CORO1A: variants seen among roughly 807,000 people sequenced by gnomAD.
CORO1A encodes the protein coronin 1A.
Under a neutral mutation model 44.1 loss-of-function variants are expected in CORO1A, and 17 were observed. The ratio of observed to expected loss-of-function variants is 0.39; its 90% CI spans 0.26 to 0.58. The LOEUF (loss-of-function observed/expected upper bound fraction) is 0.58, where lower values mean the gene tolerates loss of function less well. Among genes scored for constraint, CORO1A ranks in the 20% least tolerant of loss-of-function variants. The pLI is 0.62. For missense variants in CORO1A, 415 were observed against 606.5 expected (o/e 0.68, Z 3.32); for synonymous variants, 271 against 244.2 (o/e 1.11, Z -1.02).
At chr16:30,185,062 C>A in intron 1 of CORO1A, 147 bp from the exon 2 acceptor site, 1 of 785,328 alleles carries the variant, frequency 1.3e-6, no homozygotes, top group Non-Finnish European at 2.1e-6. Context: ...AAGCAGGCAT[C>A]AGCCACAGAG....
intron 2 of CORO1A, 160 bp from the exon 3 acceptor site, chr16:30,186,438 A>G (rs2073335023): frequency 1.2e-6 from 1 of 838,724 alleles, no homozygotes; most frequent in African/African-American, 1.7e-5. Flanking sequence ...TTGGGACTGG[A>G]ACAAGAGAAG....
At chr16:30,186,353 A>G in intron 2 of CORO1A, 2 of 523,562 alleles carry the variant, frequency 3.8e-6, no homozygotes, top group Admixed American at 6.2e-5. Flanking sequence ...ACCGGCGGGA[A>G]CTCTGCCAGG....
chr16:30,185,247 A>G lies in CORO1A; in HGVS notation c.38A>G (p.His13Arg). The G allele has an allele frequency of 6.2e-7, 1 of 1,614,186 alleles. No homozygotes were observed. Among genetic ancestry groups the G allele is most frequent in the African/African-American group, 1.3e-5 (1 of 75,048 alleles). Reference protein sequence around the residue: ...RQVVRSSKFRHVFGQPAKADQ... With the variant: ...RQVVRSSKFRRVFGQPAKADQ... The stretch of plus-strand genomic sequence containing the variant: ...GTGGTCCGCTCCAGCAAGTTCCGCC[A>G]CGTGTTTGGACAGCCGGCCAAGGCC... Residue 13 changes from histidine (H) to arginine (R), a missense_variant, in exon 2 of 11, where the codon CAC becomes CGC. Around this residue, in one of 2 missense-constraint regions of CORO1A, gnomAD observed 325 missense variants for 521.7 expected, o/e 0.62. Transcript: ENST00000219150.
rs751894231 is a variant in CORO1A at position 30,187,185 on chromosome 16, G to A, written c.598G>A (p.Val200Met). 6.8e-6 allele frequency: 11 copies of A among 1,613,482 alleles called. No individual in the cohort carries two copies. Among genetic ancestry groups the A allele is most frequent in the East Asian group, 4.5e-5 (2 of 44,898 alleles). Residue 200 changes from valine to methionine, a missense_variant, in exon 5 of 11, where the codon GTG (valine) becomes ATG (methionine). By Grantham distance (21) the Val-to-Met change is conservative. Transcript: ENST00000219150. ...TTGTACCTCCTGCCGTGACAAGCGC[G>A]TGCGCATCATCGAGCCCCGCAAAGG... The part of the protein sequence containing the change: ...LICTSCRDKR[V>M]RIIEPRKGTV...
At position 30,186,737 on chromosome 16, in the gene CORO1A, A is replaced by G; in HGVS notation, c.321+17A>G. ...ACAGTCATGGTGAGTGGTGGTGGGG[A>G]CCCAGGGGCTGGGAGAGGGGCTCTA... On this transcript the variant is annotated intron_variant, in intron 3 of 10. Transcript: ENST00000219150. The G allele has an allele frequency of 6.2e-7, 1 of 1,610,750 alleles. No individual in the cohort carries two copies. Among genetic ancestry groups the G allele is most frequent in the Non-Finnish European group, 8.5e-7 (1 of 1,179,802 alleles).
chr16:30,186,407 CTGGGGTTTGCCCAGGCCATTT>C (rs2073334733), intron 2 of CORO1A, 170 bp from the exon 3 acceptor site: 2 of 656,108 alleles, frequency 3.0e-6, no homozygotes, highest in East Asian at 5.6e-5. Context: ...GCCAGCCCTC[CTGGGGTTTGCCCAGGCCATTT>C]TGGGACTGGA....
intron 2 of CORO1A, 137 bp from the exon 3 acceptor site, chr16:30,186,461 C>A: frequency 9.4e-7 from 1 of 1,060,438 alleles, no homozygotes; most frequent in Non-Finnish European, 1.4e-6. Context: ...CAACCCGCCC[C>A]CGTCCCCACC....
At chr16:30,186,439 A>G in intron 2 of CORO1A, 159 bp from the exon 3 acceptor site, 1 of 834,560 alleles carries the variant, frequency 1.2e-6, no homozygotes, top group South Asian at 1.5e-5. Flanking sequence ...TGGGACTGGA[A>G]CAAGAGAAGA....
intron 8 of CORO1A, 30 bp downstream of exon 8, chr16:30,188,117 T>C: frequency 6.2e-7 from 1 of 1,613,810 alleles, no homozygotes; most frequent in Non-Finnish European, 8.5e-7. Context: ...GACCGCAGCA[T>C]GCTCCTTGGG....
chr16:30,184,857 G>A lies in CORO1A; in HGVS notation c.-1-352G>A. On this transcript the variant is annotated intron_variant, in intron 1 of 10. Coordinates refer to ENST00000219150, the MANE Select transcript of CORO1A (RefSeq NM_007074.4). This position sits in a 1 kb window ranked among gnomAD's most constrained non-coding sequence, Gnocchi z 4.3. ...CCTCGGAGCCATCTGGGCTGATGAC[G>A]CCTGAGTCTGAACCATTAGGAAGGA... The A allele has an allele frequency of 2.5e-6, 1 of 399,912 alleles. No individual in the cohort carries two copies. The highest frequency in any genetic ancestry group is 4.7e-6 in the Non-Finnish European group (1 of 210,938). 24.8% of individuals were successfully genotyped at this position (399,912 alleles called of 1,614,324 possible). A position where few individuals can be genotyped will look rare whatever the true frequency, so the allele number is the denominator to read the frequency against.
intron 7 of CORO1A, 33 bp downstream of exon 7, chr16:30,187,862 T>TGGGGG: frequency 7.1e-6 from 1 of 140,662 alleles, no homozygotes; most frequent in Non-Finnish European, 1.2e-5. Flanking sequence ...GGGTGGGAGG[T>TGGGGG]GGGCAGGATG....
intron 2 of CORO1A, chr16:30,185,983 A>G (rs900501643): frequency 5.1e-6 from 1 of 197,570 alleles, no homozygotes; most frequent in African/African-American, 2.3e-5. Context: ...TTGTTACCTT[A>G]AAAGGGCTGA....
At chr16:30,188,794 C>T in intron 10 of CORO1A, 66 bp from the exon 11 acceptor site, 1 of 503,274 alleles carries the variant, frequency 2.0e-6, no homozygotes, top group Non-Finnish European at 3.4e-6. Flanking sequence ...AGGGATGGGG[C>T]TCAGCAGAGG....
chr16:30,186,740 CA>C lies in CORO1A; in HGVS notation c.321+21del. The C allele has an allele frequency of 6.2e-7, 1 of 1,610,794 alleles. No individual in the cohort carries two copies. The highest frequency in any genetic ancestry group is 8.5e-7 in the Non-Finnish European group (1 of 1,179,840). ...GTCATGGTGAGTGGTGGTGGGGACC[CA>C]GGGGCTGGGAGAGGGGCTCTAGGAT... On this transcript the variant is annotated intron_variant, in intron 3 of 10. Coordinates refer to ENST00000219150, the MANE Select transcript of CORO1A (RefSeq NM_007074.4).
chr16:30,185,572 G>C (rs2073324443), intron 2 of CORO1A, 165 bp downstream of exon 2: 1 of 636,444 alleles, frequency 1.6e-6, no homozygotes, highest in African/African-American at 1.8e-5. Flanking sequence ...CCTCTGTGCT[G>C]TGGCTGTGTG....
chr16:30,183,870 C>T lies in CORO1A; in HGVS notation c.-2+145C>T, dbSNP rs1284298007. ...GGGGCCAGGTAGCGGGCGCAGCAGCCCGTGGGGGGACGCTGCTTGGAGTGG... is the reference window on the plus strand; with the variant it reads ...GGGGCCAGGTAGCGGGCGCAGCAGCTCGTGGGGGGACGCTGCTTGGAGTGG... On this transcript the variant is annotated intron_variant, in intron 1 of 10. Coordinates refer to ENST00000219150, the MANE Select transcript of CORO1A (RefSeq NM_007074.4). The surrounding 1 kb of genome is among the most constrained non-coding windows in gnomAD (Gnocchi z 5.0). 1 of 151,792 alleles carries T rather than the reference C, an allele frequency of 6.6e-6. No individual in the cohort carries two copies. The highest frequency in any genetic ancestry group is 2.4e-5 in the African/African-American group (1 of 41,392). The allele number at this position is 151,792 out of a possible 1,614,324, so 9.4% of individuals were successfully genotyped here.
Position 30,187,501 on chromosome 16 carries a change from A to G in CORO1A, c.756A>G (p.Thr252=), listed in dbSNP as rs1170448024. The G allele has an allele frequency of 6.2e-7, 1 of 1,603,350 alleles. No homozygotes were observed. The highest frequency in any genetic ancestry group is 1.7e-5 in the Admixed American group (1 of 59,878). ...MSERQVALWD[T]KHLEEPLSLQ... ...AGCGGCAGGTGGCGCTGTGGGACAC[A>G]GTGAGTGCTGGGGCAGGAAGCCGAG... Residue 252 remains threonine, a splice_region_variant and synonymous_variant, in exon 6 of 11, where the codon ACA becomes ACG. Coordinates refer to ENST00000219150, the MANE Select transcript of CORO1A (RefSeq NM_007074.4).
In CORO1A at chr16:30,187,758, C is replaced by T; in HGVS notation, c.790C>T (p.Leu264=). The change falls in exon 7 of 11, where the codon CTG becomes TTG. Residue 264 remains leucine, a synonymous_variant. Transcript: ENST00000219150. ...GGAGGAGCCGCTGTCCCTGCAGGAG[C>T]TGGACACCAGCAGCGGTGTCCTGCT... The part of the protein sequence containing the change: ...HLEEPLSLQE[L]DTSSGVLLPF... 1.9e-6 allele frequency: 3 copies of T among 1,611,938 alleles called. No homozygotes were observed. Among genetic ancestry groups the T allele is most frequent in the Non-Finnish European group, 2.5e-6 (3 of 1,179,248 alleles).
Position 30,186,669 on chromosome 16 carries a change from C to A in CORO1A, c.270C>A (p.Cys90Ter). The A allele has an allele frequency of 6.2e-7, 1 of 1,613,196 alleles. No homozygotes were observed. Among genetic ancestry groups the A allele is most frequent in the Non-Finnish European group, 8.5e-7 (1 of 1,179,878 alleles). ...CCCCTGTGCTAGACATCGCCTGGTG[C>A]CCGCACAATGACAACGTCATTGCCA... ...HTAPVLDIAWCPHNDNVIASG... is the reference protein window; with the variant it reads ...HTAPVLDIAW Residue 90 changes from cysteine (C) to a stop codon, truncating the protein, a stop_gained, in exon 3 of 11, where the codon TGC (cysteine) becomes TGA (stop). Transcript: ENST00000219150. LOFTEE classifies it high-confidence loss of function.
Sources: gnomAD v4.1 joint callset for allele counts on GRCh38, gnomAD v4.1.1 for gene constraint, gnomAD v4.1.1 regional missense constraint, Gnocchi (gnomAD v3.1) non-coding constraint, MANE v1.5 for transcripts, NCBI Gene and HGNC (gene_info 2026-07-23, HGNC 2026-07-21) for gene names.